The following TCF20 variants were observed in gnomAD, a reference collection of about 807,000 sequenced individuals.
TCF20 encodes SPRE-binding protein.
TCF20 carries 3 observed loss-of-function variants against 148.6 expected under a neutral mutation model. That is an observed-to-expected ratio of 0.02 (90% CI 0.01 to 0.05). The LOEUF (loss-of-function observed/expected upper bound fraction) is 0.05, where lower values mean the gene tolerates loss of function less well. Ranked by LOEUF, TCF20 falls within the 10% of genes least tolerant of loss-of-function variation. TCF20 has a pLI of 1.00. For synonymous variants in TCF20, 1,049 were observed against 909.5 expected, an observed-to-expected ratio of 1.15 and a Z score of -2.76; for missense variants, 2,350 against 2,429.3, an observed-to-expected ratio of 0.97 and a Z score of 0.69.
At chr22:42,332,920 TG>T (rs1928002261) in intron 1 of TCF20, among the ~76,000 whole-genome samples, 1 of 151,846 alleles carries the variant, frequency 6.6e-6, no homozygotes, top group African/African-American at 2.4e-5. Context: ...TGGCAGCAGG[TG>T]GGGGTTGACT....
intron 1 of TCF20, chr22:42,276,995 A>G (rs142608633): frequency 6.6e-6 from 1 of 152,238 alleles, no homozygotes; most frequent in East Asian, 1.9e-4. Flanking sequence ...GTGGGTCCTG[A>G]GCGGCTTCAC....
intron 1 of TCF20, among the ~76,000 whole-genome samples, chr22:42,234,578 A>T (rs1036849782): frequency 5.3e-5 from 8 of 152,204 alleles, no homozygotes; most frequent in Non-Finnish European, 8.8e-5. Flanking sequence ...CAAAATACCA[A>T]GAAACAATGT....
Position 42,214,624 on chromosome 22 carries a change from CTCT to C in TCF20, c.679_681del (p.Arg227del). ...TGATAGTGTTGGCCAAACTGACCCA[CTCT>C]TAACTGGTAACCAGCAGCAGAGGAT... On this transcript the variant is annotated inframe_deletion, in exon 2 of 6. Coordinates refer to ENST00000677622, the MANE Select transcript of TCF20 (RefSeq NM_001378418.1). The C allele has an allele frequency of 1.2e-6, 2 of 1,614,162 alleles. No homozygotes were observed. The highest frequency in any genetic ancestry group is 1.7e-6 in the Non-Finnish European group (2 of 1,180,050).
At chr22:42,179,473 GT>G (rs1294464051) in intron 3 of TCF20, 135 bp downstream of exon 3, 2 of 583,374 alleles carry the variant, frequency 3.4e-6, no homozygotes, top group East Asian at 3.1e-5. Flanking sequence ...TGGGTGGGAA[GT>G]TTTTTTATGA....
chr22:42,217,213 ACT>A (rs952207655), intron 1 of TCF20, among the ~76,000 whole-genome samples: 3 of 151,106 alleles, frequency 2.0e-5, no homozygotes, highest in Admixed American at 6.6e-5. Flanking sequence ...CTCCCCTATC[ACT>A]CTCTGCTCTA....
At chr22:42,270,224 A>AGGTTGGGTCC (rs1286755952) in intron 1 of TCF20, among the ~76,000 whole-genome samples, 115 bp downstream of exon 1, 1 of 151,312 alleles carries the variant, frequency 6.6e-6, no homozygotes, top group Admixed American at 6.6e-5. Context: ...CCGCACTCCC[A>AGGTTGGGTCC]GGTTGGGTCC....
intron 1 of TCF20, among the ~76,000 whole-genome samples, chr22:42,295,463 G>A (rs1231318603): frequency 1.4e-5 from 2 of 139,344 alleles, no homozygotes; most frequent in Non-Finnish European, 3.1e-5. Context: ...TTTTTTTTGA[G>A]ACAGAGTTTT....
chr22:42,238,300 C>A (rs1009126274), intron 1 of TCF20, among the ~76,000 whole-genome samples: 2 of 152,192 alleles, frequency 1.3e-5, no homozygotes, highest in Non-Finnish European at 2.9e-5. Context: ...TCAGCCTTCA[C>A]AGAAGTGAAA....
intron 1 of TCF20, among the ~76,000 whole-genome samples, chr22:42,269,113 G>C (rs1020106446): frequency 1.3e-5 from 2 of 152,156 alleles, no homozygotes; most frequent in Non-Finnish European, 2.9e-5. Flanking sequence ...TCCCAGGTCG[G>C]AATTCAGTGT....
intron 2 of TCF20, among the ~76,000 whole-genome samples, chr22:42,194,512 T>A (rs940155549): frequency 2.6e-5 from 4 of 151,930 alleles, no homozygotes; most frequent in East Asian, 1.9e-4. Context: ...CCTGTCCTGA[T>A]GTACCCTAGT....
At chr22:42,185,938 G>C (rs957737074) in intron 2 of TCF20, among the ~76,000 whole-genome samples, 3 of 152,212 alleles carry the variant, frequency 2.0e-5, no homozygotes, top group Non-Finnish European at 4.4e-5. Flanking sequence ...GAGGGACAGA[G>C]ACTTGTCCAG....
At chr22:42,303,400 C>T (rs1376472808) in intron 1 of TCF20, among the ~76,000 whole-genome samples, 1 of 152,258 alleles carries the variant, frequency 6.6e-6, no homozygotes, top group African/African-American at 2.4e-5. Flanking sequence ...ACAGAAACGG[C>T]TCATCCTAGT....
chr22:42,178,048 A>G (rs1001730786), intron 3 of TCF20, among the ~76,000 whole-genome samples: 64 of 152,256 alleles, frequency 4.2e-4, no homozygotes, highest in African/African-American at 1.4e-3. Flanking sequence ...TTATGCCTAC[A>G]TGATGAAGCC....
rs368782722 is a variant in TCF20 at position 42,214,997 on chromosome 22, G to A, written c.309C>T (p.Thr103=). The part of the protein sequence containing the change: ...AGNKDPVTTG[T]PQPPQRRPSG... ...AAGGCCTTCGCTGAGGAGGCTGTGG[G>A]GTTCCTGTAGTCACGGGGTCTTTGT... Residue 103 remains threonine (T), a synonymous_variant, in exon 2 of 6, where the codon ACC becomes ACT. Coordinates refer to ENST00000677622, the MANE Select transcript of TCF20 (RefSeq NM_001378418.1). 3 of 1,614,188 alleles carry A rather than the reference G, an allele frequency of 1.9e-6. No homozygotes were observed. The highest frequency in any genetic ancestry group is 1.3e-5 in the African/African-American group (1 of 75,042).
At position 42,168,524 on chromosome 22, in the gene TCF20, G is replaced by A. The variant is rs541926898; in HGVS notation, c.*44+85C>T. 30 of 1,502,238 alleles carry A rather than the reference G, an allele frequency of 2.0e-5. No homozygotes were observed. The African/African-American group carries it at 4.0e-4, about 20-fold the overall frequency. The allele number at this position is 1,502,238 out of a possible 1,614,324, so 93.1% of individuals were successfully genotyped here. ...TCCACAGGATGAAATGCTGGTGGCA[G>A]AGCATAGAGCGAGCAGGAGGGCAGA... On this transcript the variant is annotated intron_variant, in intron 5 of 5. Coordinates refer to ENST00000677622, the MANE Select transcript of TCF20 (RefSeq NM_001378418.1).
At chr22:42,233,960 A>G (rs1407042669) in intron 1 of TCF20, among the ~76,000 whole-genome samples, 1 of 152,244 alleles carries the variant, frequency 6.6e-6, no homozygotes, top group Non-Finnish European at 1.5e-5. Context: ...GTTTCTTTAG[A>G]GTTTTTAAAA....
chr22:42,210,051 C>T lies in TCF20; in HGVS notation c.5255G>A (p.Arg1752Gln). Residue 1752 changes from arginine to glutamine, a missense_variant, in exon 2 of 6, where the codon CGG (arginine) becomes CAG (glutamine). By Grantham distance (43) the Arg-to-Gln change is conservative (BLOSUM62 1). Transcript: ENST00000677622. The surrounding 1 kb of genome is among the most constrained non-coding windows in gnomAD (Gnocchi z 4.7). ...ATEMQSKVKVRHKSASNGSKT... is the reference protein window; with the variant it reads ...ATEMQSKVKVQHKSASNGSKT... ...GGAGCCATTAGAAGCACTTTTGTGC[C>T]GTACCTTAACTTTGCTCTGCATTTC... The T allele has an allele frequency of 6.2e-7, 1 of 1,613,150 alleles. No homozygotes were observed. The highest frequency in any genetic ancestry group is 8.5e-7 in the Non-Finnish European group (1 of 1,180,030).
chr22:42,312,781 T>C (rs1456153627), intron 1 of TCF20, among the ~76,000 whole-genome samples: 1 of 152,112 alleles, frequency 6.6e-6, no homozygotes, highest in East Asian at 1.9e-4. Context: ...TGCAAGTCCC[T>C]GGAAGCTCAT....
chr22:42,244,115 A>C (rs1924703166), intron 1 of TCF20, among the ~76,000 whole-genome samples: 4 of 152,102 alleles, frequency 2.6e-5, no homozygotes, highest in Non-Finnish European at 5.9e-5. Flanking sequence ...GAAGCAAGAG[A>C]ATCACTCGAG....
Sources: allele counts gnomAD v4.1 joint callset (sites outside exome capture counted in the v4.1 genomes callset), GRCh38; gene constraint gnomAD v4.1.1; non-coding constraint Gnocchi (gnomAD v3.1); transcripts MANE v1.5; gene names NCBI Gene and HGNC (gene_info 2026-07-23, HGNC 2026-07-21).